SOX5: variants seen among roughly 807,000 people sequenced by gnomAD.
The protein encoded by SOX5 is transcription factor SOX-5.
SOX5 carries 9 observed loss-of-function variants against 92.0 expected under a neutral mutation model. That is an observed-to-expected ratio of 0.10 (90% confidence interval 0.06 to 0.17). The LOEUF (loss-of-function observed/expected upper bound fraction) is 0.17, where lower values mean the gene tolerates loss of function less well. SOX5 is among the 10% of genes least tolerant of loss of function. The pLI, the probability that SOX5 is intolerant of heterozygous loss-of-function variation, is 1.00. For missense variants in SOX5, 642 were observed against 944.5 expected (o/e 0.68, Z 4.20); for synonymous variants, 344 against 336.3 (o/e 1.02, Z -0.25).
At chr12:23,679,260 T>G (rs1447467925) in intron 6 of SOX5, among the ~76,000 whole-genome samples, 1 of 152,094 alleles carries the variant, frequency 6.6e-6, no homozygotes, top group Admixed American at 6.6e-5. Context: ...CCTCAGTCTC[T>G]CACACTAACC....
chr12:24,094,059 G>A (rs527458482), intron 4 of SOX5, among the ~76,000 whole-genome samples: 73 of 152,116 alleles, frequency 4.8e-4, no homozygotes, highest in Middle Eastern at 3.4e-3. Flanking sequence ...CGATTCTCCC[G>A]CCTCAGCCTC....
intron 1 of SOX5, among the ~76,000 whole-genome samples, chr12:24,516,466 T>C (rs1949798982): frequency 1.3e-5 from 2 of 152,188 alleles, no homozygotes; most frequent in African/African-American, 4.8e-5. Flanking sequence ...TATGAAAGTC[T>C]CCCAATAAAT....
chr12:23,839,189 G>A lies in SOX5; in HGVS notation c.481+6794C>T, dbSNP rs188945107. Among the ~76,000 whole-genome samples, 1,491 of 152,018 alleles carry A rather than the reference G, an allele frequency of 9.8e-3. 7 individuals carry two copies. Among genetic ancestry groups the A allele is most frequent in the Non-Finnish European group, 0.016 (1,111 of 67,958 alleles). ...TGTCTCCTGCTAAGAAAATTAGGTGGGGGAGGTATCTATCTCCTGTGCTCT... is the reference window on the plus strand; with the variant it reads ...TGTCTCCTGCTAAGAAAATTAGGTGAGGGAGGTATCTATCTCCTGTGCTCT... On this transcript the variant is annotated intron_variant, in intron 3 of 14. Coordinates refer to ENST00000451604, the MANE Select transcript of SOX5 (RefSeq NM_006940.6).
chr12:23,568,739 G>A (rs1413601999), intron 10 of SOX5, among the ~76,000 whole-genome samples: 3 of 151,918 alleles, frequency 2.0e-5, no homozygotes, highest in Non-Finnish European at 2.9e-5. Context: ...CTTCTTCCTC[G>A]CTCTCAAATT....
At chr12:23,718,102 A>G (rs2092613198) in intron 6 of SOX5, among the ~76,000 whole-genome samples, 1 of 152,190 alleles carries the variant, frequency 6.6e-6, no homozygotes, top group South Asian at 2.1e-4. Flanking sequence ...GCAAAGGAGT[A>G]TATTTTTTAA....
chr12:24,210,754 A>AT (rs139756118), intron 4 of SOX5, among the ~76,000 whole-genome samples: 2,896 of 152,350 alleles, frequency 0.019, 96 homozygotes, highest in African/African-American at 0.067. Flanking sequence ...AAGAAAAAGG[A>AT]TAGCTGTATT....
At chr12:24,486,542 G>A (rs1315248532) in intron 1 of SOX5, among the ~76,000 whole-genome samples, 1 of 152,150 alleles carries the variant, frequency 6.6e-6, no homozygotes, top group Non-Finnish European at 1.5e-5. Flanking sequence ...CCATTTGGGA[G>A]GTACCTTGTC....
chr12:23,712,946 G>T (rs952843110), intron 6 of SOX5, among the ~76,000 whole-genome samples: 1 of 152,122 alleles, frequency 6.6e-6, no homozygotes, highest in African/African-American at 2.4e-5. Context: ...AGCTGTAGTA[G>T]GTTGAACTGT....
intron 4 of SOX5, among the ~76,000 whole-genome samples, chr12:23,993,900 T>TATGCATGCATGCATGC (rs1950791777): frequency 6.8e-6 from 1 of 146,584 alleles, no homozygotes. Flanking sequence ...TGTATGTATG[T>TATGCATGCATGCATGC]ATGTATGTAT....
chr12:24,487,232 C>G (rs1419544944), intron 1 of SOX5, among the ~76,000 whole-genome samples: 1 of 152,184 alleles, frequency 6.6e-6, no homozygotes, highest in Non-Finnish European at 1.5e-5. Context: ...CTGCACCCCA[C>G]TATATCTGTG....
At chr12:24,530,019 C>CAA (rs34105691) in intron 1 of SOX5, among the ~76,000 whole-genome samples, 162 of 72,630 alleles carry the variant, frequency 2.2e-3, no homozygotes, top group Non-Finnish European at 3.2e-3. Flanking sequence ...GACTCCGTCT[C>CAA]AAAAAAAAAA....
chr12:24,094,537 T>C (rs1184170184), intron 4 of SOX5, among the ~76,000 whole-genome samples: 1 of 151,906 alleles, frequency 6.6e-6, no homozygotes. Context: ...ATTTACTCAT[T>C]GTTTCCTTTA....
At chr12:23,845,338 T>C (rs1802219930) in intron 3 of SOX5, among the ~76,000 whole-genome samples, 1 of 152,172 alleles carries the variant, frequency 6.6e-6, no homozygotes, top group South Asian at 2.1e-4. Context: ...CATAAGTTTG[T>C]ACAATTTGCA....
At chr12:24,540,618 C>T (rs1016514559) in intron 1 of SOX5, among the ~76,000 whole-genome samples, 9 of 151,958 alleles carry the variant, frequency 5.9e-5, no homozygotes, top group Non-Finnish European at 1.0e-4. Flanking sequence ...GTATAAAATG[C>T]GATTAGAAAG....
chr12:23,789,056 C>T (rs1178477710), intron 3 of SOX5, among the ~76,000 whole-genome samples: 1 of 151,758 alleles, frequency 6.6e-6, no homozygotes, highest in African/African-American at 2.4e-5. Flanking sequence ...GTTGTCAAAA[C>T]ATAAGTATAA....
chr12:24,181,376 C>T (rs1955480578), intron 4 of SOX5, among the ~76,000 whole-genome samples: 1 of 152,176 alleles, frequency 6.6e-6, no homozygotes, highest in Admixed American at 6.6e-5. Flanking sequence ...TTTGCATTCA[C>T]TAAGGATGAC....
chr12:24,235,540 G>T (rs1270867574), intron 3 of SOX5, among the ~76,000 whole-genome samples: 1 of 152,160 alleles, frequency 6.6e-6, no homozygotes, highest in African/African-American at 2.4e-5. Context: ...TCTTGAAAAA[G>T]GTTGAGCTAA....
At chr12:23,601,110 T>C (rs1317674455) in intron 9 of SOX5, among the ~76,000 whole-genome samples, 3 of 152,044 alleles carry the variant, frequency 2.0e-5, no homozygotes, top group African/African-American at 7.2e-5. Context: ...GCATTATCCT[T>C]TCTCTCTCGC....
intron 1 of SOX5, among the ~76,000 whole-genome samples, chr12:24,558,829 T>C (rs1445931855): frequency 5.3e-5 from 8 of 151,864 alleles, no homozygotes. Context: ...CTCCCCAAGC[T>C]CCCCCAAATG....
Sources: gnomAD v4.1 joint callset for allele counts (sites outside exome capture counted in the v4.1 genomes callset) on GRCh38, gnomAD v4.1.1 for gene constraint, MANE v1.5 for transcripts, NCBI Gene and HGNC (gene_info 2026-07-23, HGNC 2026-07-21) for gene names.